Variants in TMEM117 observed in about 807,000 individuals in gnomAD.
TMEM117 encodes the protein transmembrane protein 117.
Under a neutral mutation model 52.4 loss-of-function variants are expected in TMEM117, and 27 were observed. The observed-to-expected ratio is 0.51, with a 90% CI of 0.38 to 0.71. The LOEUF is 0.71. Ranked by LOEUF, TMEM117 falls within the 30% of genes least tolerant of loss-of-function variation. The pLI is 0.00. For missense variants in TMEM117, 556 were observed against 630.5 expected, an observed-to-expected ratio of 0.88 and a Z score of 1.26; for synonymous variants, 215 against 206.3, an observed-to-expected ratio of 1.04 and a Z score of -0.36.
chr12:44,195,492 G>A (rs1310518402), intron 4 of TMEM117, among the ~76,000 whole-genome samples: 1 of 152,018 alleles, frequency 6.6e-6, no homozygotes, highest in Non-Finnish European at 1.5e-5. Context: ...TTACACAAGA[G>A]CAAGAGCCAT....
At chr12:43,834,043 T>C (rs1942997886), upstream of TMEM117, among the ~76,000 whole-genome samples, 1 of 152,158 alleles carries the variant, frequency 6.6e-6, no homozygotes, top group Non-Finnish European at 1.5e-5. Flanking sequence ...CAGTAGGCTA[T>C]AATTGTGCCA....
intron 3 of TMEM117, among the ~76,000 whole-genome samples, chr12:43,970,498 C>G (rs976819564): frequency 2.0e-5 from 3 of 152,024 alleles, no homozygotes; most frequent in African/African-American, 7.2e-5. Flanking sequence ...CCATGTTAAC[C>G]AGGATGGTCT....
intron 5 of TMEM117, among the ~76,000 whole-genome samples, chr12:44,273,010 G>A (rs1056980980): frequency 5.3e-5 from 8 of 152,228 alleles, no homozygotes; most frequent in Admixed American, 1.3e-4. Flanking sequence ...AGAAAATGTG[G>A]CACATATACA....
chr12:44,002,233 C>G (rs754194420), intron 3 of TMEM117, among the ~76,000 whole-genome samples: 2 of 152,196 alleles, frequency 1.3e-5, no homozygotes, highest in Admixed American at 6.5e-5. Flanking sequence ...TTTTTACACT[C>G]TTGTCACTTA....
At chr12:43,987,442 CT>C (rs1372240455) in intron 3 of TMEM117, among the ~76,000 whole-genome samples, 2 of 151,784 alleles carry the variant, frequency 1.3e-5, no homozygotes, top group Admixed American at 1.3e-4. Flanking sequence ...ATATTTTAAT[CT>C]ATTTTCTAGC....
intron 3 of TMEM117, among the ~76,000 whole-genome samples, chr12:44,074,560 G>T (rs571870676): frequency 6.6e-6 from 1 of 152,284 alleles, no homozygotes; most frequent in South Asian, 2.1e-4. Flanking sequence ...TAGATATAAA[G>T]CTCAGAGAGA....
intron 4 of TMEM117, among the ~76,000 whole-genome samples, chr12:44,191,361 G>A (rs560243100): frequency 4.3e-5 from 6 of 139,584 alleles, no homozygotes; most frequent in East Asian, 2.1e-4. Context: ...CTATCTATCT[G>A]TCTGTCTGTC....
chr12:43,930,138 T>G (rs571747318), intron 2 of TMEM117, among the ~76,000 whole-genome samples: 2 of 152,308 alleles, frequency 1.3e-5, no homozygotes, highest in South Asian at 2.1e-4. Context: ...TATCACATCC[T>G]AAAGCCTGAA....
intron 3 of TMEM117, among the ~76,000 whole-genome samples, chr12:43,958,154 G>T (rs1945338735): frequency 6.6e-6 from 1 of 152,116 alleles, no homozygotes; most frequent in South Asian, 2.1e-4. Flanking sequence ...TCCAAAACAG[G>T]TTTAAGTAAC....
At chr12:44,032,470 T>C (rs966500834) in intron 3 of TMEM117, among the ~76,000 whole-genome samples, 2 of 152,216 alleles carry the variant, frequency 1.3e-5, no homozygotes, top group Non-Finnish European at 2.9e-5. Flanking sequence ...TGTAAAAATC[T>C]GGATCAGTAT....
chr12:43,820,167 G>GGCTCACTGCAACCTCC, the TMEM117 span, among the ~76,000 whole-genome samples: 5 of 151,798 alleles, frequency 3.3e-5, no homozygotes, highest in Admixed American at 6.6e-5. Context: ...GCGCAACCTC[G>GGCTCACTGCAACCTCC]GCTCACTGCA....
intron 2 of TMEM117, among the ~76,000 whole-genome samples, chr12:43,938,824 C>A (rs540413813): frequency 6.6e-6 from 1 of 151,992 alleles, no homozygotes; most frequent in Admixed American, 6.6e-5. Context: ...CATGGTGAAA[C>A]CCCATTTCTA....
rs1023542111 is a variant in TMEM117, at chr12:44,066,016, T to A, written c.411-77509T>A. 3.3e-5 allele frequency among the ~76,000 whole-genome samples: 5 copies of A among 152,332 alleles called. No homozygotes were observed. In the East Asian group the frequency reaches 9.6e-4, roughly 29 times the overall value. On this transcript the variant is annotated intron_variant, in intron 3 of 7. Coordinates refer to ENST00000266534, the MANE Select transcript of TMEM117 (RefSeq NM_032256.3). Reference sequence around the variant, plus strand: ...GAACCAGAGTAGTCTCAGAGACTAGTGCAGCAGTGGTGCAAGAAAATTTAT... The same window carrying A: ...GAACCAGAGTAGTCTCAGAGACTAGAGCAGCAGTGGTGCAAGAAAATTTAT...
At chr12:43,830,137 T>C in the TMEM117 span, among the ~76,000 whole-genome samples, 1 of 148,582 alleles carries the variant, frequency 6.7e-6, no homozygotes, top group African/African-American at 2.5e-5. Flanking sequence ...AGCAGCACAA[T>C]TGCCCCTCTC....
chr12:44,165,303 G>C (rs1211899731), intron 4 of TMEM117, among the ~76,000 whole-genome samples: 2 of 152,092 alleles, frequency 1.3e-5, no homozygotes, highest in African/African-American at 2.4e-5. Flanking sequence ...AGAAGGAAAG[G>C]AATAGATGAT....
intron 1 of TMEM117, among the ~76,000 whole-genome samples, chr12:43,838,876 G>C (rs1272327658): frequency 6.6e-6 from 1 of 151,994 alleles, no homozygotes; most frequent in Non-Finnish European, 1.5e-5. Context: ...GAATAATTGA[G>C]AGAATACATG....
chr12:44,183,868 C>T (rs947475231), intron 4 of TMEM117, among the ~76,000 whole-genome samples: 1 of 152,184 alleles, frequency 6.6e-6, no homozygotes, highest in Non-Finnish European at 1.5e-5. Flanking sequence ...ACTTCCCTCA[C>T]ATTTCACACG....
chr12:43,806,495 T>C, the TMEM117 span: 1 of 690,212 alleles, frequency 1.4e-6, no homozygotes, highest in Non-Finnish European at 1.9e-6. Flanking sequence ...CTGCTTCTGC[T>C]CTTGCCGCCG....
At chr12:43,796,129 C>T in the TMEM117 span, among the ~76,000 whole-genome samples, 1 of 152,076 alleles carries the variant, frequency 6.6e-6, no homozygotes, top group Non-Finnish European at 1.5e-5. Context: ...AACCATGGCC[C>T]GAAGGCCAAA....
Sources: allele counts gnomAD v4.1 joint callset (sites outside exome capture counted in the v4.1 genomes callset), GRCh38; gene constraint gnomAD v4.1.1; transcripts MANE v1.5; gene names NCBI Gene and HGNC (gene_info 2026-07-23, HGNC 2026-07-21).